Variants in KLHDC10 observed in about 807,000 individuals in gnomAD.
KLHDC10 encodes the protein kelch domain containing 10, also known as kelch domain-containing protein 10.
A neutral mutation model predicts 56.1 loss-of-function variants in KLHDC10; 24 were observed. That is an observed-to-expected ratio of 0.43 (90% CI 0.31 to 0.60). The LOEUF is 0.60. Among genes scored for constraint, KLHDC10 ranks in the 20% least tolerant of loss-of-function variants. The pLI is 0.11. For missense variants in KLHDC10, 349 were observed against 567.0 expected (o/e 0.62, Z 3.91); for synonymous variants, 188 against 207.1 (o/e 0.91, Z 0.79).
chr7:130,118,526 G>A (rs1256862861), intron 3 of KLHDC10, among the ~76,000 whole-genome samples: 3 of 152,158 alleles, frequency 2.0e-5, no homozygotes, highest in East Asian at 3.8e-4. Context: ...CTTATCATTC[G>A]TGTGTTCACT....
chr7:130,107,750 G>A (rs4731655), intron 2 of KLHDC10, among the ~76,000 whole-genome samples: 20,134 of 149,486 alleles, frequency 0.13, 1,544 homozygotes, highest in East Asian at 0.31. Flanking sequence ...AGGCTGAGGC[G>A]GGAGAATTGC....
At chr7:130,073,942 G>A (rs756430315) in intron 1 of KLHDC10, among the ~76,000 whole-genome samples, 3 of 152,084 alleles carry the variant, frequency 2.0e-5, no homozygotes, top group Admixed American at 1.3e-4. Flanking sequence ...AGCAGTATTC[G>A]TGCTTCTACT....
At chr7:130,124,396 C>T in intron 5 of KLHDC10, 55 bp from the exon 6 acceptor site, 1 of 1,041,872 alleles carries the variant, frequency 9.6e-7, no homozygotes, top group Non-Finnish European at 1.5e-6. Flanking sequence ...ATAGCTAAAT[C>T]TTAGATAGGT....
At chr7:130,094,308 G>A (rs1262777184) in intron 1 of KLHDC10, among the ~76,000 whole-genome samples, 1 of 152,066 alleles carries the variant, frequency 6.6e-6, no homozygotes, top group Non-Finnish European at 1.5e-5. Context: ...ATCATATATC[G>A]TAGAATTTAT....
chr7:130,099,121 G>A (rs985966351), intron 2 of KLHDC10, among the ~76,000 whole-genome samples: 10 of 152,050 alleles, frequency 6.6e-5, no homozygotes, highest in African/African-American at 2.2e-4. Context: ...TTGCTTTACT[G>A]TATAGTTCTA....
intron 4 of KLHDC10, 126 bp from the exon 5 acceptor site, chr7:130,121,928 C>A: frequency 2.6e-6 from 2 of 758,994 alleles, no homozygotes; most frequent in South Asian, 2.4e-5. Context: ...TTTTAAGAGT[C>A]TGATACATTA....
At chr7:130,105,501 G>A (rs1362603709) in intron 2 of KLHDC10, among the ~76,000 whole-genome samples, 2 of 152,090 alleles carry the variant, frequency 1.3e-5, no homozygotes, top group Admixed American at 1.3e-4. Context: ...AAAGAGCCCA[G>A]AAAGAAAATA....
At chr7:130,096,423 A>T (rs1183599158) in intron 1 of KLHDC10, among the ~76,000 whole-genome samples, 1 of 152,154 alleles carries the variant, frequency 6.6e-6, no homozygotes, top group Non-Finnish European at 1.5e-5. Flanking sequence ...CTGTTTTAAA[A>T]TTTAATTATA....
intron 1 of KLHDC10, among the ~76,000 whole-genome samples, chr7:130,079,506 T>G (rs1245493046): frequency 6.6e-6 from 1 of 152,230 alleles, no homozygotes; most frequent in Non-Finnish European, 1.5e-5. Flanking sequence ...ATGGATTTAT[T>G]GTTACTGAAC....
intron 1 of KLHDC10, among the ~76,000 whole-genome samples, chr7:130,074,599 T>C (rs1291135781): frequency 6.6e-6 from 1 of 151,970 alleles, no homozygotes; most frequent in Non-Finnish European, 1.5e-5. Context: ...GGATAGATGG[T>C]TAAAATCAAG....
chr7:130,077,117 T>C (rs529842204), intron 1 of KLHDC10, among the ~76,000 whole-genome samples: 129 of 152,094 alleles, frequency 8.5e-4, no homozygotes, highest in Admixed American at 1.5e-3. Flanking sequence ...CACTTTGGGA[T>C]GCTGAGGCAG....
chr7:130,108,500 A>G (rs1796048891), intron 2 of KLHDC10, among the ~76,000 whole-genome samples: 1 of 149,450 alleles, frequency 6.7e-6, no homozygotes, highest in South Asian at 2.1e-4. Context: ...CTCAGGAGTT[A>G]GCCGCCTCAA....
At chr7:130,108,701 G>A (rs542683246) in intron 2 of KLHDC10, among the ~76,000 whole-genome samples, 3 of 143,148 alleles carry the variant, frequency 2.1e-5, no homozygotes, top group South Asian at 2.2e-4. Context: ...CAGCCTGGGC[G>A]ACAGAGCGAG....
In KLHDC10 at chr7:130,130,833, G is replaced by C; in HGVS notation, c.*87G>C. On this transcript the variant is annotated 3_prime_UTR_variant, in exon 10 of 10. Coordinates refer to ENST00000335420, the MANE Select transcript of KLHDC10 (RefSeq NM_014997.4). This position sits in a 1 kb window ranked among gnomAD's most constrained non-coding sequence, Gnocchi z 4.2. ...GGCAGTGTAGAATGTGCTACAAAGA[G>C]GATTGGTTACCCTGATCAAGGCCTT... The C allele has an allele frequency of 1.5e-6, 2 of 1,326,114 alleles. No homozygotes were observed. 82.1% of individuals were successfully genotyped at this position (1,326,114 alleles called of 1,614,324 possible).
At chr7:130,106,416 C>T (rs1392329709) in intron 2 of KLHDC10, among the ~76,000 whole-genome samples, 1 of 151,792 alleles carries the variant, frequency 6.6e-6, no homozygotes, top group Non-Finnish European at 1.5e-5. Flanking sequence ...TCAATAAAAT[C>T]AGAAAAGTGG....
At chr7:130,083,182 T>TCATCCTGTGCTCCTTA (rs1174076926) in intron 1 of KLHDC10, among the ~76,000 whole-genome samples, 2 of 152,210 alleles carry the variant, frequency 1.3e-5, no homozygotes, top group Non-Finnish European at 2.9e-5. Context: ...ACCTGTTACT[T>TCATCCTGTGCTCCTTA]CATCCTGTGC....
intron 2 of KLHDC10, among the ~76,000 whole-genome samples, chr7:130,107,843 C>CAAAAAAAA (rs3043725): frequency 3.8e-5 from 1 of 26,036 alleles, no homozygotes; most frequent in African/African-American, 2.3e-4. Flanking sequence ...GACTCCGTCT[C>CAAAAAAAA]AAAAAAAAAA....
At chr7:130,086,050 C>G (rs572772292) in intron 1 of KLHDC10, among the ~76,000 whole-genome samples, 3 of 152,066 alleles carry the variant, frequency 2.0e-5, no homozygotes, top group South Asian at 2.1e-4. Flanking sequence ...TGAGGTGCAG[C>G]CTAATTTTTA....
At chr7:130,102,939 TAAAC>T (rs1396704477) in intron 2 of KLHDC10, among the ~76,000 whole-genome samples, 1 of 152,196 alleles carries the variant, frequency 6.6e-6, no homozygotes, top group African/African-American at 2.4e-5. Context: ...GTTGGAGGGT[TAAAC>T]AATACACTTA....
Sources: gnomAD v4.1 joint callset for allele counts (sites outside exome capture counted in the v4.1 genomes callset) on GRCh38, gnomAD v4.1.1 for gene constraint, Gnocchi (gnomAD v3.1) non-coding constraint, MANE v1.5 for transcripts, NCBI Gene and HGNC (gene_info 2026-07-23, HGNC 2026-07-21) for gene names.